Variants in CHST11 observed in about 807,000 individuals in gnomAD.
CHST11 encodes the protein C4S-1.
Under a neutral mutation model 30.4 loss-of-function variants are expected in CHST11, and 9 were observed. The ratio of observed to expected loss-of-function variants is 0.30; its 90% confidence interval spans 0.18 to 0.52. CHST11 has a LOEUF of 0.52. Among genes scored for constraint, CHST11 ranks in the 20% least tolerant of loss-of-function variants. The pLI, the probability that CHST11 is intolerant of heterozygous loss-of-function variation, is 0.97. For synonymous variants in CHST11, 152 were observed against 187.8 expected, an observed-to-expected ratio of 0.81 and a Z score of 1.56; for missense variants, 348 against 460.6, an observed-to-expected ratio of 0.76 and a Z score of 2.24.
chr12:104,467,939 T>C (rs1318633592), intron 1 of CHST11, among the ~76,000 whole-genome samples: 1 of 152,248 alleles, frequency 6.6e-6, no homozygotes, highest in Non-Finnish European at 1.5e-5. Flanking sequence ...GGCTGTTCCC[T>C]ATATCCATTT....
At chr12:104,543,587 GT>G (rs1684272115) in intron 1 of CHST11, among the ~76,000 whole-genome samples, 1 of 152,182 alleles carries the variant, frequency 6.6e-6, no homozygotes, top group Non-Finnish European at 1.5e-5. Flanking sequence ...TCGGCTCAGA[GT>G]CTTACAGGAG....
chr12:104,549,489 GT>G (rs2038384929), intron 1 of CHST11, among the ~76,000 whole-genome samples: 1 of 152,162 alleles, frequency 6.6e-6, no homozygotes, highest in South Asian at 2.1e-4. Flanking sequence ...CCTGTTGTCA[GT>G]TTCTTTAAAA....
chr12:104,489,542 G>A (rs572676742), intron 1 of CHST11, among the ~76,000 whole-genome samples: 6 of 152,088 alleles, frequency 3.9e-5, no homozygotes, highest in Admixed American at 1.3e-4. Context: ...GCAGTGGCAC[G>A]ATCTTGGCTC....
intron 2 of CHST11, among the ~76,000 whole-genome samples, chr12:104,711,052 T>A (rs1328402263): frequency 6.6e-6 from 1 of 152,176 alleles, no homozygotes; most frequent in Non-Finnish European, 1.5e-5. Context: ...CATTTTAACA[T>A]CCTGTTGCAA....
At chr12:104,521,411 C>T (rs1176363224) in intron 1 of CHST11, among the ~76,000 whole-genome samples, 1 of 152,174 alleles carries the variant, frequency 6.6e-6, no homozygotes, top group Non-Finnish European at 1.5e-5. Context: ...CTGGTTGTGA[C>T]TGTGGATCTT....
At position 104,672,496 on chromosome 12, in the gene CHST11, C is replaced by A. The variant is rs1366643539; in HGVS notation, c.204+70505C>A. 2.0e-5 allele frequency among the ~76,000 whole-genome samples: 3 copies of A among 152,208 alleles called. No homozygotes were observed. In the East Asian group the frequency reaches 5.8e-4, roughly 29 times the overall value. Reference sequence around the variant, plus strand: ...AAGGAAAACCCCTTTATCAGCTATCCCATGCCTTGTGGCCATTGATTCCAC... The same window carrying A: ...AAGGAAAACCCCTTTATCAGCTATCACATGCCTTGTGGCCATTGATTCCAC... On this transcript the variant is annotated intron_variant, in intron 2 of 2. Coordinates refer to ENST00000303694, the MANE Select transcript of CHST11 (RefSeq NM_018413.6).
At chr12:104,672,662 G>A (rs1234835682) in intron 2 of CHST11, among the ~76,000 whole-genome samples, 1 of 152,208 alleles carries the variant, frequency 6.6e-6, no homozygotes, top group Non-Finnish European at 1.5e-5. Context: ...TACTCACCAT[G>A]ACGGGCAGCT....
At chr12:104,473,073 C>A (rs561140741) in intron 1 of CHST11, among the ~76,000 whole-genome samples, 6 of 152,212 alleles carry the variant, frequency 3.9e-5, no homozygotes, top group African/African-American at 1.4e-4. Flanking sequence ...GGTTTAGTGT[C>A]TCCTGTTTTT....
intron 1 of CHST11, among the ~76,000 whole-genome samples, chr12:104,530,082 C>T (rs2038167174): frequency 6.6e-6 from 1 of 152,062 alleles, no homozygotes; most frequent in Admixed American, 6.6e-5. Flanking sequence ...TCTCTTGAAA[C>T]CGGGAGGTGG....
chr12:104,684,534 A>ATGGTTTGGTT (rs201560164), intron 2 of CHST11, among the ~76,000 whole-genome samples: 1 of 152,080 alleles, frequency 6.6e-6, no homozygotes, highest in Non-Finnish European at 1.5e-5. Flanking sequence ...TTTGTTTGAT[A>ATGGTTTGGTT]TGGTTTGGTT....
chr12:104,566,096 G>T (rs535677494), intron 1 of CHST11, among the ~76,000 whole-genome samples: 1 of 152,182 alleles, frequency 6.6e-6, no homozygotes, highest in Non-Finnish European at 1.5e-5. Flanking sequence ...CATGACTGTG[G>T]CATGCAAAAA....
chr12:104,602,856 G>T (rs956214960), intron 2 of CHST11, among the ~76,000 whole-genome samples: 10 of 152,290 alleles, frequency 6.6e-5, no homozygotes, highest in South Asian at 4.1e-4. Context: ...GGAAGATAAT[G>T]CACGGGCCTC....
rs568171354 is a variant in CHST11, at chr12:104,666,685, A to C, written c.204+64694A>C. ...TACTCTGAAATACAGTGGATGGCCA[A>C]CAAATGTTTCCTGATTGAAAAAAGA... On this transcript the variant is annotated intron_variant, in intron 2 of 2. Coordinates refer to ENST00000303694, the MANE Select transcript of CHST11 (RefSeq NM_018413.6). Among the ~76,000 whole-genome samples the C allele has an allele frequency of 7.9e-5, 12 of 152,382 alleles. No homozygotes were observed. In the East Asian group the frequency reaches 2.1e-3, roughly 27 times the overall value.
At chr12:104,554,688 G>A (rs1036055308) in intron 1 of CHST11, among the ~76,000 whole-genome samples, 7 of 152,166 alleles carry the variant, frequency 4.6e-5, no homozygotes, top group African/African-American at 1.4e-4. Flanking sequence ...GCTTCGATCT[G>A]TGCAATACTG....
Position 104,544,146 on chromosome 12 carries a change from G to A in CHST11, c.119-57760G>A, listed in dbSNP as rs10861231. Among the ~76,000 whole-genome samples the A allele has an allele frequency of 2.3e-3, 73 of 31,572 alleles. 13 individuals carry two copies. In the East Asian group the frequency reaches 0.42, roughly 183 times the overall value. 20.7% of individuals were successfully genotyped at this position (31,572 alleles called of 152,430 possible). Reference sequence around the variant, plus strand: ...CTGTTAAAAAAAAAAAAAAAAGAAAGAAAGAAAGAAAGAAAGAAAGAAAGA... The same window carrying A: ...CTGTTAAAAAAAAAAAAAAAAGAAAAAAAGAAAGAAAGAAAGAAAGAAAGA... On this transcript the variant is annotated intron_variant, in intron 1 of 2. Coordinates refer to ENST00000303694, the MANE Select transcript of CHST11 (RefSeq NM_018413.6).
intron 1 of CHST11, among the ~76,000 whole-genome samples, chr12:104,468,791 C>T (rs2037482360): frequency 6.6e-6 from 1 of 152,098 alleles, no homozygotes; most frequent in African/African-American, 2.4e-5. Flanking sequence ...AAGTCGCAGA[C>T]AAGAGATTTG....
chr12:104,491,191 G>A (rs2037741575), intron 1 of CHST11, among the ~76,000 whole-genome samples: 1 of 152,082 alleles, frequency 6.6e-6, no homozygotes, highest in Non-Finnish European at 1.5e-5. Context: ...CATCCTGCTG[G>A]ATTTCCCCCA....
intron 2 of CHST11, among the ~76,000 whole-genome samples, chr12:104,661,050 T>G (rs2039593716): frequency 6.6e-6 from 1 of 151,928 alleles, no homozygotes; most frequent in African/African-American, 2.4e-5. Flanking sequence ...CTGGGAAGGG[T>G]GATGTAGCTG....
chr12:104,702,839 G>A (rs1382826378), intron 2 of CHST11, among the ~76,000 whole-genome samples: 3 of 152,300 alleles, frequency 2.0e-5, no homozygotes, highest in East Asian at 1.9e-4. Context: ...GGCGAGAGTC[G>A]ATAATGGGTT....
Sources: gnomAD v4.1 joint callset for allele counts (sites outside exome capture counted in the v4.1 genomes callset) on GRCh38, gnomAD v4.1.1 for gene constraint, MANE v1.5 for transcripts, NCBI Gene and HGNC (gene_info 2026-07-23, HGNC 2026-07-21) for gene names.